SYNPR: variants seen among roughly 807,000 people sequenced by gnomAD.
SYNPR encodes the protein synaptoporin.
In SYNPR, 23 loss-of-function variants were observed where a neutral mutation model predicts 32.9. The ratio of observed to expected loss-of-function variants is 0.70; its 90% CI spans 0.50 to 0.99. The LOEUF (loss-of-function observed/expected upper bound fraction) is 0.99, where lower values mean the gene tolerates loss of function less well. SYNPR is among the 50% of genes least tolerant of loss of function. SYNPR has a pLI of 0.00. For synonymous variants in SYNPR, 146 were observed against 135.9 expected (o/e 1.07, Z -0.52); for missense variants, 318 against 349.3 (o/e 0.91, Z 0.71).
intron 3 of SYNPR, among the ~76,000 whole-genome samples, chr3:63,546,126 T>C (rs1702397853): frequency 6.6e-6 from 1 of 152,134 alleles, no homozygotes; most frequent in Non-Finnish European, 1.5e-5. Flanking sequence ...CCTCAATATC[T>C]ATTTTAATTT....
At chr3:63,457,602 A>G (rs1053289212) in intron 2 of SYNPR, among the ~76,000 whole-genome samples, 14 of 152,180 alleles carry the variant, frequency 9.2e-5, no homozygotes, top group Non-Finnish European at 1.8e-4. Context: ...AACAGGAAAA[A>G]GTGAAAAGAA....
the SYNPR span, among the ~76,000 whole-genome samples, chr3:63,205,444 G>A: frequency 3.3e-5 from 5 of 152,300 alleles, no homozygotes; most frequent in African/African-American, 1.2e-4. Context: ...TGCCTAAAGT[G>A]AAGCAAACAA....
In SYNPR at chr3:63,268,814, C is replaced by T. The variant is rs115694598; in HGVS notation, n.287+1365C>T. On this transcript the variant is annotated intron_variant and non_coding_transcript_variant, in intron 3 of 4. Coordinates refer to the SYNPR transcript ENST00000478456. ...AAAATTTAGAAAACTTAATATCAAA[C>T]TTATTTTATTACAAGGAAGTTTATG... Among the ~76,000 whole-genome samples, 614 of 152,226 alleles carry T rather than the reference C, an allele frequency of 4.0e-3. 14 individuals carry two copies. Among genetic ancestry groups the T allele is most frequent in the Admixed American group, 0.035 (530 of 15,286 alleles).
chr3:63,331,311 A>T (rs935936198), intron 2 of SYNPR, among the ~76,000 whole-genome samples: 1 of 152,190 alleles, frequency 6.6e-6, no homozygotes, highest in Admixed American at 6.5e-5. Flanking sequence ...TCATTTCAGA[A>T]TTCTTCTAAG....
intron 2 of SYNPR, among the ~76,000 whole-genome samples, chr3:63,480,028 C>A (rs1701014613): frequency 6.6e-6 from 1 of 152,182 alleles, no homozygotes; most frequent in South Asian, 2.1e-4. Flanking sequence ...TTGAGCTTAG[C>A]CAAATTATGA....
At chr3:63,594,471 T>G (rs1699897813) in intron 4 of SYNPR, among the ~76,000 whole-genome samples, 1 of 152,200 alleles carries the variant, frequency 6.6e-6, no homozygotes, top group Non-Finnish European at 1.5e-5. Flanking sequence ...ATTTTTGTTA[T>G]GAGCCTAAAC....
chr3:63,377,825 G>A (rs1488344588), intron 2 of SYNPR, among the ~76,000 whole-genome samples: 4 of 151,906 alleles, frequency 2.6e-5, no homozygotes, highest in African/African-American at 7.2e-5. Context: ...GAAATTAGGA[G>A]AGTATAGGAA....
At chr3:63,389,704 T>C (rs181075224) in intron 2 of SYNPR, among the ~76,000 whole-genome samples, 132 of 152,296 alleles carry the variant, frequency 8.7e-4, no homozygotes, top group Non-Finnish European at 1.6e-3. Context: ...GCTGCCACCA[T>C]AAAATGGATA....
intron 4 of SYNPR, among the ~76,000 whole-genome samples, chr3:63,577,277 A>G (rs745838433): frequency 6.6e-6 from 1 of 152,180 alleles, no homozygotes; most frequent in Non-Finnish European, 1.5e-5. Flanking sequence ...TCAACAAACA[A>G]TTGAATTGAG....
chr3:63,209,698 C>G, the SYNPR span, among the ~76,000 whole-genome samples: 4 of 152,156 alleles, frequency 2.6e-5, no homozygotes, highest in African/African-American at 7.2e-5. Flanking sequence ...TTCCTTAACC[C>G]TCACATATGG....
intron 3 of SYNPR, among the ~76,000 whole-genome samples, chr3:63,505,989 G>T (rs763403170): frequency 6.6e-6 from 1 of 151,972 alleles, no homozygotes; most frequent in African/African-American, 2.4e-5. Flanking sequence ...TCTGTCTGTT[G>T]TTCTGGACTT....
At chr3:63,432,122 C>T (rs75951292) in intron 2 of SYNPR, among the ~76,000 whole-genome samples, 2,314 of 152,282 alleles carry the variant, frequency 0.015, 64 homozygotes, top group African/African-American at 0.053. Context: ...GAAGCATGTT[C>T]ACACTATCTT....
chr3:63,251,027 A>G (rs569860102), intron 1 of SYNPR, among the ~76,000 whole-genome samples: 54 of 152,288 alleles, frequency 3.5e-4, no homozygotes, highest in African/African-American at 1.3e-3. Context: ...GAAACTGTTA[A>G]AAGTTGTGGT....
At chr3:63,558,470 C>A (rs1237285423) in intron 4 of SYNPR, among the ~76,000 whole-genome samples, 2 of 152,008 alleles carry the variant, frequency 1.3e-5, no homozygotes, top group Admixed American at 6.6e-5. Flanking sequence ...GTAGCTGGGA[C>A]AACAGGTGCA....
At chr3:63,440,777 G>A (rs1035952175) in intron 2 of SYNPR, among the ~76,000 whole-genome samples, 5 of 152,166 alleles carry the variant, frequency 3.3e-5, no homozygotes, top group African/African-American at 1.2e-4. Flanking sequence ...CAGGGTCACA[G>A]AGCAAACCGC....
intron 2 of SYNPR, among the ~76,000 whole-genome samples, chr3:63,309,625 G>C (rs1043829869): frequency 2.9e-4 from 44 of 152,026 alleles, no homozygotes; most frequent in African/African-American, 9.2e-4. Context: ...AAATGCCTGT[G>C]AGTGACAGGT....
chr3:63,594,692 GT>G lies in SYNPR; in HGVS notation c.409-14431del, dbSNP rs577978416. On this transcript the variant is annotated intron_variant, in intron 4 of 5. Transcript: ENST00000478300. ...AAATATATGTAAAACTTCAATAAGT[GT>G]TCTCTAAGTGTTGGCAGCTCTCATC... is the stretch of plus-strand genomic sequence containing the variant. Among the ~76,000 whole-genome samples, 170 of 152,204 alleles carry G rather than the reference GT, an allele frequency of 1.1e-3. 2 individuals carry two copies. The highest frequency in any genetic ancestry group is 4.6e-3 in the South Asian group (22 of 4,822).
chr3:63,250,154 A>G (rs535537534), intron 1 of SYNPR, among the ~76,000 whole-genome samples: 8 of 152,110 alleles, frequency 5.3e-5, no homozygotes, highest in Non-Finnish European at 1.0e-4. Flanking sequence ...AAATCATTGT[A>G]TATTTTCAAA....
chr3:63,427,822 T>G (rs1343183542), intron 2 of SYNPR, among the ~76,000 whole-genome samples: 1 of 152,228 alleles, frequency 6.6e-6, no homozygotes, highest in Non-Finnish European at 1.5e-5. Flanking sequence ...CTCTTTCTCA[T>G]ACAGTTCTCT....
Sources: gnomAD v4.1 joint callset for allele counts (sites outside exome capture counted in the v4.1 genomes callset) on GRCh38, gnomAD v4.1.1 for gene constraint, MANE v1.5 for transcripts, NCBI Gene and HGNC (gene_info 2026-07-23, HGNC 2026-07-21) for gene names.